The following PHKA2 variants were observed in gnomAD, a reference collection of about 807,000 sequenced individuals.
The protein encoded by PHKA2 is phosphorylase b kinase regulatory subunit alpha, liver isoform.
In PHKA2, 31 loss-of-function variants were observed where a neutral mutation model predicts 102.0. That is an observed-to-expected ratio of 0.30 (90% CI 0.23 to 0.41). PHKA2 has a LOEUF of 0.41. Ranked by LOEUF, PHKA2 falls within the 10% of genes least tolerant of loss-of-function variation. PHKA2 has a pLI of 1.00. For missense variants in PHKA2, 858 were observed against 1,023.1 expected (o/e 0.84, Z 2.20); for synonymous variants, 455 against 416.2 (o/e 1.09, Z -1.13).
intron 1 of PHKA2, among the ~76,000 whole-genome samples, chrX:18,960,366 G>A (rs915035270): frequency 2.7e-5 from 3 of 111,900 alleles, no homozygotes; most frequent in Admixed American, 9.5e-5. Flanking sequence ...CTGAGACTGG[G>A]TAATTTATAA....
Position 18,897,328 on chromosome X carries a change from G to A in PHKA2, c.3117C>T (p.Ser1039=). The change falls in exon 30 of 33, where the codon TCC becomes TCT. Residue 1039 remains serine, a synonymous_variant. Transcript: ENST00000379942. ...TGCCAGTGGGCGAGGATGGGGTGCT[G>A]GACCTCTGCAAGACAGACAGCTTGG... ...SSAHSSKSAR[S]STPSSPTGTS... is the part of the protein sequence containing the mutation. 8.3e-7 allele frequency: 1 copy of A among 1,207,729 alleles called. No homozygotes were observed. The highest frequency in any genetic ancestry group is 1.1e-6 in the Non-Finnish European group (1 of 894,004).
intron 1 of PHKA2, among the ~76,000 whole-genome samples, chrX:18,978,261 T>C (rs1442496709): frequency 8.9e-6 from 1 of 111,884 alleles, no homozygotes; most frequent in Non-Finnish European, 1.9e-5. Flanking sequence ...AGGAAGACTC[T>C]TGTGATTACT....
intron 19 of PHKA2, among the ~76,000 whole-genome samples, chrX:18,916,197 C>T (rs900713666): frequency 8.0e-5 from 9 of 112,159 alleles, no homozygotes; most frequent in African/African-American, 2.6e-4. Flanking sequence ...GGCAGATTGC[C>T]TGAGGTCAGA....
chrX:18,907,822 A>C (rs1404690501), intron 22 of PHKA2, 78 bp downstream of exon 22: 1 of 1,046,614 alleles, frequency 9.6e-7, no homozygotes, highest in Admixed American at 2.2e-5. Flanking sequence ...AAGAGGTATA[A>C]CTGGGAGATT....
intron 2 of PHKA2, among the ~76,000 whole-genome samples, 176 bp downstream of exon 2, chrX:18,954,078 G>C (rs958358129): frequency 4.5e-5 from 5 of 111,952 alleles, no homozygotes; most frequent in Non-Finnish European, 9.4e-5. Context: ...AACTCAAACA[G>C]AAAGACCAAT....
intron 1 of PHKA2, among the ~76,000 whole-genome samples, chrX:18,960,430 C>T (rs1197753407): frequency 3.6e-5 from 4 of 111,665 alleles, no homozygotes; most frequent in Non-Finnish European, 7.5e-5. Flanking sequence ...AAGCATGGGG[C>T]ATCTGCTTCT....
At chrX:18,921,465 A>C (rs930085086) in intron 17 of PHKA2, among the ~76,000 whole-genome samples, 2 of 112,227 alleles carry the variant, frequency 1.8e-5, no homozygotes, top group Admixed American at 9.4e-5. Flanking sequence ...GGAAAAGCCA[A>C]AACTGTGACT....
intron 8 of PHKA2, 65 bp from the exon 9 acceptor site, chrX:18,940,113 C>A (rs2048467893): frequency 1.4e-6 from 1 of 694,391 alleles, no homozygotes; most frequent in Non-Finnish European, 2.4e-6. Context: ...TTCAAGTCAG[C>A]CCTGCACCCT....
At chrX:18,972,152 A>G (rs2049026638) in intron 1 of PHKA2, among the ~76,000 whole-genome samples, 1 of 112,442 alleles carries the variant, frequency 8.9e-6, no homozygotes, top group Admixed American at 9.4e-5. Flanking sequence ...TGCACGGTCT[A>G]AGAGAAAGTC....
Position 18,906,984 on chromosome X carries a change from C to T in PHKA2, c.2597+34G>A, listed in dbSNP as rs2047829628. Reference sequence around the variant, plus strand: ...AGCGCTGTTTTCCCCATGGCTCCCCCGCAAACCTGAGGTCCCCAAGGCTGA... The same window carrying T: ...AGCGCTGTTTTCCCCATGGCTCCCCTGCAAACCTGAGGTCCCCAAGGCTGA... On this transcript the variant is annotated intron_variant, in intron 23 of 32. Coordinates refer to ENST00000379942, the MANE Select transcript of PHKA2 (RefSeq NM_000292.3). 10 of 1,147,100 alleles carry T rather than the reference C, an allele frequency of 8.7e-6. No individual in the cohort carries two copies. The East Asian group carries it at 1.8e-4, about 21-fold the overall frequency. The allele number at this position is 1,147,100 out of a possible 1,213,427, so 94.5% of individuals were successfully genotyped here. A position where few individuals can be genotyped will look rare whatever the true frequency, so the allele number is the denominator to read the frequency against.
intron 1 of PHKA2, among the ~76,000 whole-genome samples, chrX:18,967,134 G>A (rs1006575500): frequency 1.8e-5 from 2 of 111,512 alleles, no homozygotes; most frequent in Non-Finnish European, 3.8e-5. Context: ...TCTTGGGTTT[G>A]CTGGAAGGAA....
intron 1 of PHKA2, among the ~76,000 whole-genome samples, chrX:18,956,706 T>C (rs965417635): frequency 8.9e-6 from 1 of 112,346 alleles, no homozygotes; most frequent in African/African-American, 3.2e-5. Context: ...TACACATACA[T>C]GCCGTGTAAA....
chrX:18,915,186 A>C (rs1320779620), intron 19 of PHKA2: 1 of 109,605 alleles, frequency 9.1e-6, no homozygotes, highest in Non-Finnish European at 1.9e-5. Flanking sequence ...CAGAAATAAA[A>C]ATAAAAATTA....
At position 18,959,274 on chromosome X, in the gene PHKA2, C is replaced by T. The variant is rs578215948; in HGVS notation, c.79-4862G>A. 2.6e-4 allele frequency among the ~76,000 whole-genome samples: 29 copies of T among 112,256 alleles called. 2 individuals carry two copies. In the South Asian group the frequency reaches 0.01, roughly 40 times the overall value. ...TTTGGACTCTGTCTGGCACACATAA[C>T]TGCTCAATAATTGCGATGTTTAATA... On this transcript the variant is annotated intron_variant, in intron 1 of 32. Transcript: ENST00000379942.
At position 18,905,803 on chromosome X, in the gene PHKA2, G is replaced by A. The variant is rs746036838; in HGVS notation, c.2863C>T (p.Leu955=). 6 of 1,207,181 alleles carry A rather than the reference G, an allele frequency of 5.0e-6. No individual in the cohort carries two copies. Among genetic ancestry groups the A allele is most frequent in the Non-Finnish European group, 6.7e-6 (6 of 892,308 alleles). ...TCTTTCCCACTTAGAATATGGTGCA[G>A]GAGATTTTTCATATCGAAAGGGCTG... ...NLSPFDMKNL[L]HHILSGKEFG... is the part of the protein sequence containing the mutation. Residue 955 remains leucine (L), a synonymous_variant, in exon 26 of 33, where the codon CTG becomes TTG. Coordinates refer to ENST00000379942, the MANE Select transcript of PHKA2 (RefSeq NM_000292.3).
At chrX:18,905,525 G>T (rs1172075657) in intron 26 of PHKA2, among the ~76,000 whole-genome samples, 2 of 110,723 alleles carry the variant, frequency 1.8e-5, no homozygotes, top group Non-Finnish European at 3.8e-5. Flanking sequence ...ACAGGAGGCG[G>T]TATACCACAC....
chrX:18,957,968 T>G (rs1250835025), intron 1 of PHKA2, among the ~76,000 whole-genome samples: 1 of 109,625 alleles, frequency 9.1e-6, no homozygotes, highest in African/African-American at 3.4e-5. Flanking sequence ...CAAGCAATTC[T>G]CCTGCCTCAG....
rs1237716481 is a variant in PHKA2, at chrX:18,951,185, C to T, written c.373G>A (p.Val125Met). ...KYNTATCGTV[V>M]GDDQWGHLQV... ...AGGTGGCCCCACTGGTCGTCGCCCA[C>T]CACCGTGCCACAGGTGGCGGTGTTG... Residue 125 changes from valine (V) to methionine (M), a missense_variant, in exon 4 of 33, where the codon GTG becomes ATG. Physicochemically the swap from Val to Met is conservative, Grantham distance 21. This residue lies in a region of PHKA2 where 187 missense variants were observed against 277.9 expected (regional missense o/e 0.67). Coordinates refer to ENST00000379942, the MANE Select transcript of PHKA2 (RefSeq NM_000292.3). 1 of 1,211,253 alleles carries T rather than the reference C, an allele frequency of 8.3e-7. No individual in the cohort carries two copies. The highest frequency in any genetic ancestry group is 1.1e-6 in the Non-Finnish European group (1 of 894,907).
chrX:18,898,677 T>A (rs1397374003), intron 29 of PHKA2, among the ~76,000 whole-genome samples: 2 of 112,071 alleles, frequency 1.8e-5, no homozygotes, highest in Non-Finnish European at 3.8e-5. Flanking sequence ...TAGACACAAA[T>A]AAAAGTAATT....
Sources: allele counts gnomAD v4.1 joint callset (sites outside exome capture counted in the v4.1 genomes callset), GRCh38; gene constraint gnomAD v4.1.1; regional missense constraint gnomAD v4.1.1; transcripts MANE v1.5; gene names NCBI Gene and HGNC (gene_info 2026-07-23, HGNC 2026-07-21).